LRAT: variants seen among roughly 807,000 people sequenced by gnomAD.
The protein encoded by LRAT is lecithin retinol acyltransferase (phosphatidylcholine--retinol O-acyltransferase).
A neutral mutation model predicts 14.2 loss-of-function variants in LRAT; 11 were observed. That is an observed-to-expected ratio of 0.78 (90% CI 0.49 to 1.29). LRAT has a LOEUF of 1.29. Ranked by LOEUF, LRAT falls within the 50% of genes most tolerant of loss-of-function variation. The probability of loss-of-function intolerance (pLI) is 0.00; values close to 1 mark genes in which losing one functional copy is unlikely to be tolerated. For synonymous variants in LRAT, 144 were observed against 124.8 expected (o/e 1.15, Z -1.03); for missense variants, 274 against 292.4 (o/e 0.94, Z 0.46).
chr4:154,741,223 C>T (rs28379627), upstream of LRAT, among the ~76,000 whole-genome samples: 50,188 of 150,164 alleles, frequency 0.33, 9,260 homozygotes, highest in East Asian at 0.66. Flanking sequence ...GAAGTCCAGC[C>T]GAGAGAGGAG....
rs1305093919 is a variant in LRAT, at chr4:154,749,302, A to G, written c.*166A>G. 3 of 734,162 alleles carry G rather than the reference A, an allele frequency of 4.1e-6. No homozygotes were observed. The East Asian group carries it at 8.0e-5, about 20-fold the overall frequency. The allele number at this position is 734,162 out of a possible 1,614,324, so 45.5% of individuals were successfully genotyped here. ...AAAGTGCTTACTGTGTAAGCCCAAG[A>G]ACAAAGGCTTTCTGAATCTTCTCAG... On this transcript the variant is annotated 3_prime_UTR_variant, in exon 3 of 3. Coordinates refer to ENST00000336356, the MANE Select transcript of LRAT (RefSeq NM_004744.5).
intron 2 of LRAT, among the ~76,000 whole-genome samples, chr4:154,747,938 A>T (rs1330366597): frequency 6.6e-6 from 1 of 152,168 alleles, no homozygotes; most frequent in Non-Finnish European, 1.5e-5. Flanking sequence ...AAACATATTG[A>T]ACTTGTTCAT....
chr4:154,744,305 A>G, intron 1 of LRAT, 21 bp from the exon 2 acceptor site: 1 of 1,613,410 alleles, frequency 6.2e-7, no homozygotes, highest in Non-Finnish European at 8.5e-7. Context: ...GCACCTCTCC[A>G]AGACGCCCTC....
Position 154,751,401 on chromosome 4 carries a change from C to T in LRAT, c.*2265C>T, listed in dbSNP as rs1470982254. The T allele has an allele frequency of 7.4e-6, 1 of 135,062 alleles. No homozygotes were observed. The highest frequency in any genetic ancestry group is 1.6e-5 in the Non-Finnish European group (1 of 62,020). 8.4% of individuals were successfully genotyped at this position (135,062 alleles called of 1,614,324 possible). A position where few individuals can be genotyped will look rare whatever the true frequency, so the allele number is the denominator to read the frequency against. On this transcript the variant is annotated 3_prime_UTR_variant, in exon 3 of 3. Transcript: ENST00000336356. ...GTGCTGAGTTTGATTAGTTGCTTAA[C>T]CAAGTAGAAAGAAAAGCACATCTTC...
upstream of LRAT, among the ~76,000 whole-genome samples, chr4:154,742,418 G>A (rs565118776): frequency 6.6e-6 from 1 of 152,190 alleles, no homozygotes; most frequent in East Asian, 1.9e-4. Context: ...TGGCAGCAAA[G>A]GCCCGGCCTC....
intron 2 of LRAT, among the ~76,000 whole-genome samples, chr4:154,747,147 TA>T (rs1732898484): frequency 6.6e-6 from 1 of 152,126 alleles, no homozygotes; most frequent in South Asian, 2.1e-4. Flanking sequence ...AAATTTGAGT[TA>T]ATAAAAACTC....
At chr4:154,746,855 T>C (rs1578861850) in intron 2 of LRAT, among the ~76,000 whole-genome samples, 1 of 152,122 alleles carries the variant, frequency 6.6e-6, no homozygotes, top group African/African-American at 2.4e-5. Flanking sequence ...GCATAGCACC[T>C]CTTGTGAAAC....
At chr4:154,748,483 C>A in intron 2 of LRAT, 2 of 744,344 alleles carry the variant, frequency 2.7e-6, no homozygotes, top group Non-Finnish European at 3.3e-6. Context: ...TGGGATTTGA[C>A]AATAAAATTA....
upstream of LRAT, among the ~76,000 whole-genome samples, chr4:154,743,133 C>T (rs1419352522): frequency 1.6e-5 from 2 of 121,390 alleles, no homozygotes; most frequent in Admixed American, 8.4e-5. Context: ...CAACCCCCCC[C>T]CCCCCGCCCT....
chr4:154,743,652 C>T (rs1348324336), upstream of LRAT, among the ~76,000 whole-genome samples: 1 of 152,158 alleles, frequency 6.6e-6, no homozygotes, highest in Non-Finnish European at 1.5e-5. Context: ...AAATCTCTCC[C>T]AAGAGGACTT....
chr4:154,744,192 T>C lies in LRAT; in HGVS notation c.-32T>C. 1 of 912,674 alleles carries C rather than the reference T, an allele frequency of 1.1e-6. No homozygotes were observed. The allele number at this position is 912,674 out of a possible 1,614,324, so 56.5% of individuals were successfully genotyped here. A position where few individuals can be genotyped will look rare whatever the true frequency, so the allele number is the denominator to read the frequency against. ...TGCCTTCCTCTCTCCTCAGCGGCCG[T>C]ACTTTGCGCCGTACCTCACCTGGCC... On this transcript the variant is annotated 5_prime_UTR_variant, in exon 1 of 3. Transcript: ENST00000336356.
chr4:154,743,124 A>AC (rs1732798949), upstream of LRAT, among the ~76,000 whole-genome samples: 97 of 8,792 alleles, frequency 0.011, no homozygotes, highest in East Asian at 0.026. Context: ...CGACCCCCCC[A>AC]ACCCCCCCCC....
At chr4:154,741,997 A>T (rs774796572), upstream of LRAT, among the ~76,000 whole-genome samples, 1 of 151,960 alleles carries the variant, frequency 6.6e-6, no homozygotes, top group Non-Finnish European at 1.5e-5. Flanking sequence ...GTGACACAAG[A>T]GGCTTCGGTA....
rs1560870820 is a variant in LRAT at position 154,744,568 on chromosome 4, T to C, written c.242T>C (p.Leu81Pro). The C allele has an allele frequency of 6.2e-7, 1 of 1,614,152 alleles. No homozygotes were observed. Among genetic ancestry groups the C allele is most frequent in the Non-Finnish European group, 8.5e-7 (1 of 1,180,034 alleles). ...AHMMPDILLA[L>P]TDDMGRTQKV... Reference sequence around the variant, plus strand: ...ATGATGCCCGACATCCTGTTGGCCCTGACAGACGACATGGGGCGCACGCAG... The same window carrying C: ...ATGATGCCCGACATCCTGTTGGCCCCGACAGACGACATGGGGCGCACGCAG... Residue 81 changes from leucine to proline, a missense_variant, in exon 2 of 3, where the codon CTG (leucine) becomes CCG (proline). Coordinates refer to ENST00000336356, the MANE Select transcript of LRAT (RefSeq NM_004744.5).
chr4:154,752,857 A>T lies in LRAT; in HGVS notation c.*3721A>T, dbSNP rs2111043183. On this transcript the variant is annotated 3_prime_UTR_variant, in exon 3 of 3. Coordinates refer to ENST00000336356, the MANE Select transcript of LRAT (RefSeq NM_004744.5). Reference sequence around the variant, plus strand: ...AACTATGTATAGACTTGTTGTTTGAATTTTTTTTCAGTATATATATGTTTC... The same window carrying T: ...AACTATGTATAGACTTGTTGTTTGATTTTTTTTTCAGTATATATATGTTTC... 1 of 152,014 alleles carries T rather than the reference A, an allele frequency of 6.6e-6. No individual in the cohort carries two copies. The highest frequency in any genetic ancestry group is 2.1e-4 in the South Asian group (1 of 4,796). The allele number at this position is 152,014 out of a possible 1,614,324, so 9.4% of individuals were successfully genotyped here.
At chr4:154,748,779 T>A (rs1197863714) in intron 2 of LRAT, among the ~76,000 whole-genome samples, 1 of 152,180 alleles carries the variant, frequency 6.6e-6, no homozygotes, top group Non-Finnish European at 1.5e-5. Context: ...CCATTATTAG[T>A]TGCCTAAGGG....
At chr4:154,741,520 A>C (rs1429295492), upstream of LRAT, among the ~76,000 whole-genome samples, 1 of 151,922 alleles carries the variant, frequency 6.6e-6, no homozygotes, top group Non-Finnish European at 1.5e-5. Context: ...AACTATGGAC[A>C]CTCCGCGCCC....
At chr4:154,746,459 C>T (rs934959263) in intron 2 of LRAT, among the ~76,000 whole-genome samples, 2 of 152,064 alleles carry the variant, frequency 1.3e-5, no homozygotes, top group Non-Finnish European at 2.9e-5. Flanking sequence ...GAATTCTTTT[C>T]CAAGTAAAAT....
chr4:154,745,058 G>A (rs1199069360), intron 2 of LRAT, among the ~76,000 whole-genome samples, 192 bp downstream of exon 2: 1 of 112,378 alleles, frequency 8.9e-6, no homozygotes, highest in Non-Finnish European at 1.7e-5. Context: ...TCGCTCTGTT[G>A]CTCAGGCTGG....
Sources: gnomAD v4.1 joint callset for allele counts (sites outside exome capture counted in the v4.1 genomes callset) on GRCh38, gnomAD v4.1.1 for gene constraint, MANE v1.5 for transcripts, NCBI Gene and HGNC (gene_info 2026-07-23, HGNC 2026-07-21) for gene names.